WDR25: variants seen among roughly 807,000 people sequenced by gnomAD.
WDR25 encodes WD repeat domain 25.
Under a neutral mutation model 47.7 loss-of-function variants are expected in WDR25, and 35 were observed. That is an observed-to-expected ratio of 0.73 (90% CI 0.56 to 0.97). WDR25 has a LOEUF of 0.97. Among genes scored for constraint, WDR25 ranks in the 50% least tolerant of loss-of-function variants. The pLI, the probability that WDR25 is intolerant of heterozygous loss-of-function variation, is 0.00. For synonymous variants in WDR25, 248 were observed against 278.9 expected (o/e 0.89, Z 1.10); for missense variants, 634 against 704.7 (o/e 0.90, Z 1.14).
chr14:100,465,073 C>A (rs560096068), intron 2 of WDR25, among the ~76,000 whole-genome samples: 3 of 152,182 alleles, frequency 2.0e-5, no homozygotes, highest in Admixed American at 6.5e-5. Context: ...CTGCCCCTTT[C>A]CCTCCCTTCC....
chr14:100,497,923 A>C (rs1481465196), intron 4 of WDR25, among the ~76,000 whole-genome samples: 1 of 152,154 alleles, frequency 6.6e-6, no homozygotes, highest in Non-Finnish European at 1.5e-5. Context: ...GCTGGGAGAC[A>C]TGATGGTCTT....
chr14:100,479,364 T>C (rs1900124990), intron 3 of WDR25, among the ~76,000 whole-genome samples: 1 of 152,144 alleles, frequency 6.6e-6, no homozygotes, highest in African/African-American at 2.4e-5. Flanking sequence ...TGTCATGCTC[T>C]GTAGAAGGCT....
chr14:100,529,356 A>G lies in WDR25; in HGVS notation c.1413+148A>G, dbSNP rs2030357094. 1 of 1,252,960 alleles carries G rather than the reference A, an allele frequency of 8.0e-7. No individual in the cohort carries two copies. Among genetic ancestry groups the G allele is most frequent in the Non-Finnish European group, 1.1e-6 (1 of 907,906 alleles). The allele number at this position is 1,252,960 out of a possible 1,614,324, so 77.6% of individuals were successfully genotyped here. A position where few individuals can be genotyped will look rare whatever the true frequency, so the allele number is the denominator to read the frequency against. On this transcript the variant is annotated intron_variant, in intron 6 of 6. Transcript: ENST00000402312. The surrounding 1 kb of genome is among the most constrained non-coding windows in gnomAD (Gnocchi z 5.1). Reference sequence around the variant, plus strand: ...TGGGTGAGCGCATGCCATGTGGCTCACTGTCTCTTCAAGTCCCTGAACCAC... The same window carrying G: ...TGGGTGAGCGCATGCCATGTGGCTCGCTGTCTCTTCAAGTCCCTGAACCAC...
At chr14:100,508,959 A>G (rs1417993821) in intron 4 of WDR25, among the ~76,000 whole-genome samples, 1 of 152,106 alleles carries the variant, frequency 6.6e-6, no homozygotes, top group African/African-American at 2.4e-5. Flanking sequence ...TTGTCCTTAT[A>G]TAGAGTTTAA....
chr14:100,475,330 G>A (rs946439990), intron 3 of WDR25, among the ~76,000 whole-genome samples: 5 of 152,156 alleles, frequency 3.3e-5, no homozygotes, highest in Admixed American at 2.0e-4. Context: ...CTGCACCCCC[G>A]TATTCATTGC....
intron 2 of WDR25, among the ~76,000 whole-genome samples, chr14:100,416,843 C>T (rs1405651208): frequency 1.3e-5 from 2 of 152,180 alleles, no homozygotes; most frequent in African/African-American, 4.8e-5. Flanking sequence ...GTAGCAGGCA[C>T]TTGGGGCTCA....
chr14:100,400,846 T>C (rs1232451035), intron 2 of WDR25, among the ~76,000 whole-genome samples: 1 of 152,226 alleles, frequency 6.6e-6, no homozygotes, highest in East Asian at 1.9e-4. Flanking sequence ...ATCCAGTTGC[T>C]ATGACTTAAG....
At position 100,502,081 on chromosome 14, in the gene WDR25, G is replaced by T. The variant is rs142662076; in HGVS notation, c.1101+17957G>T. Reference sequence around the variant, plus strand: ...CTGTCCCCAGACAGCTCTTTGGGCTGTTTGATGGGGCTCACACCTAGGAAG... The same window carrying T: ...CTGTCCCCAGACAGCTCTTTGGGCTTTTTGATGGGGCTCACACCTAGGAAG... On this transcript the variant is annotated intron_variant, in intron 4 of 6. Coordinates refer to ENST00000402312, the MANE Select transcript of WDR25 (RefSeq NM_001161476.3). This position sits in a 1 kb window ranked among gnomAD's most constrained non-coding sequence, Gnocchi z 4.5. Among the ~76,000 whole-genome samples the T allele has an allele frequency of 6.6e-6, 1 of 152,218 alleles. No homozygotes were observed. Among genetic ancestry groups the T allele is most frequent in the Non-Finnish European group, 1.5e-5 (1 of 68,032 alleles).
At chr14:100,411,385 A>G (rs1418212144) in intron 2 of WDR25, among the ~76,000 whole-genome samples, 2 of 152,170 alleles carry the variant, frequency 1.3e-5, no homozygotes, top group African/African-American at 2.4e-5. Flanking sequence ...AAAACAAACA[A>G]CTTAATTAAC....
intron 2 of WDR25, among the ~76,000 whole-genome samples, chr14:100,458,494 A>G (rs1284656174): frequency 6.6e-6 from 1 of 152,200 alleles, no homozygotes; most frequent in Non-Finnish European, 1.5e-5. Flanking sequence ...TCAATAATCA[A>G]TAGATCAAGT....
At chr14:100,406,272 G>T (rs1428293335) in intron 2 of WDR25, among the ~76,000 whole-genome samples, 2 of 152,206 alleles carry the variant, frequency 1.3e-5, no homozygotes, top group East Asian at 3.9e-4. Context: ...TTTGGCTGAG[G>T]AGCATAGGCA....
At chr14:100,422,205 C>T (rs756601177) in intron 2 of WDR25, among the ~76,000 whole-genome samples, 4 of 152,132 alleles carry the variant, frequency 2.6e-5, no homozygotes, top group African/African-American at 9.7e-5. Flanking sequence ...CAGGTCTGTT[C>T]GCTCAGCATC....
intron 2 of WDR25, among the ~76,000 whole-genome samples, chr14:100,411,800 T>C (rs1897716126): frequency 6.6e-6 from 1 of 152,240 alleles, no homozygotes; most frequent in African/African-American, 2.4e-5. Flanking sequence ...CCTCCCAAAG[T>C]GTTGGGATTA....
intron 5 of WDR25, among the ~76,000 whole-genome samples, chr14:100,526,297 G>A (rs2140393353): frequency 6.6e-6 from 1 of 152,288 alleles, no homozygotes; most frequent in South Asian, 2.1e-4. Context: ...GGGCGGTTCA[G>A]TCCAGATCAA....
chr14:100,459,945 T>TATATATATAC (rs1566920424), intron 2 of WDR25, among the ~76,000 whole-genome samples: 8 of 83,972 alleles, frequency 9.5e-5, no homozygotes, highest in Non-Finnish European at 1.9e-4. Flanking sequence ...TATATACACA[T>TATATATATAC]ACACATACAC....
chr14:100,399,530 C>A (rs181336439), intron 2 of WDR25, among the ~76,000 whole-genome samples: 10 of 152,294 alleles, frequency 6.6e-5, no homozygotes, highest in Admixed American at 3.9e-4. Context: ...TTTCCGTCCC[C>A]CTGTGCCCCT....
chr14:100,463,882 C>T (rs1271916269), intron 2 of WDR25, among the ~76,000 whole-genome samples: 1 of 152,126 alleles, frequency 6.6e-6, no homozygotes, highest in African/African-American at 2.4e-5. Flanking sequence ...GTTCTACCCT[C>T]CAAGGCAGGC....
chr14:100,403,444 A>G (rs1264902575), intron 2 of WDR25, among the ~76,000 whole-genome samples: 1 of 152,188 alleles, frequency 6.6e-6, no homozygotes, highest in African/African-American at 2.4e-5. Context: ...AACTGGGCAG[A>G]TTTGTGTTTG....
intron 2 of WDR25, among the ~76,000 whole-genome samples, chr14:100,461,928 T>G (rs993800089): frequency 1.4e-5 from 2 of 144,966 alleles, no homozygotes; most frequent in African/African-American, 5.0e-5. Context: ...GTTTTGTTTG[T>G]TTTTTTTTTT....
Sources: allele counts gnomAD v4.1 joint callset (sites outside exome capture counted in the v4.1 genomes callset), GRCh38; gene constraint gnomAD v4.1.1; non-coding constraint Gnocchi (gnomAD v3.1); transcripts MANE v1.5; gene names NCBI Gene and HGNC (gene_info 2026-07-23, HGNC 2026-07-21).